GLI3: variants seen among roughly 807,000 people sequenced by gnomAD.
GLI3 encodes the protein transcription activator GLI3.
In GLI3, 20 loss-of-function variants were observed where a neutral mutation model predicts 100.8. The ratio of observed to expected loss-of-function variants is 0.20; its 90% confidence interval spans 0.14 to 0.29. The LOEUF is 0.29. Ranked by LOEUF, GLI3 falls within the 10% of genes least tolerant of loss-of-function variation. The pLI, the probability that GLI3 is intolerant of heterozygous loss-of-function variation, is 1.00. For missense variants in GLI3, 2,040 were observed against 2,128.5 expected, an observed-to-expected ratio of 0.96 and a Z score of 0.82; for synonymous variants, 938 against 860.5, an observed-to-expected ratio of 1.09 and a Z score of -1.58.
At chr7:41,984,134 C>G (rs1787749289) in intron 10 of GLI3, among the ~76,000 whole-genome samples, 1 of 152,164 alleles carries the variant, frequency 6.6e-6, no homozygotes. Flanking sequence ...ACCAAGGAGG[C>G]TTGGAGAGCT....
At chr7:42,196,940 C>T (rs745640520) in intron 2 of GLI3, among the ~76,000 whole-genome samples, 1 of 152,200 alleles carries the variant, frequency 6.6e-6, no homozygotes, top group Non-Finnish European at 1.5e-5. Context: ...GACAGGGAAT[C>T]GACAATGTCG....
chr7:42,117,160 T>C (rs1785879555), intron 3 of GLI3, among the ~76,000 whole-genome samples: 1 of 152,146 alleles, frequency 6.6e-6, no homozygotes, highest in Admixed American at 6.5e-5. Context: ...TCAAGGAATA[T>C]GCGATGTTGA....
Position 42,095,653 on chromosome 7 carries a change from T to C in GLI3, c.368-18796A>G, listed in dbSNP as rs191418441. 3.2e-3 allele frequency among the ~76,000 whole-genome samples: 483 copies of C among 152,158 alleles called. 1 individual carries two copies. Among genetic ancestry groups the C allele is most frequent in the South Asian group, 0.014 (69 of 4,796 alleles). ...CCCAGGTGAGTGTTAATGATGGTCCTGGGACCAAGGCAGCAACAGAGAAGG... is the reference window on the plus strand; with the variant it reads ...CCCAGGTGAGTGTTAATGATGGTCCCGGGACCAAGGCAGCAACAGAGAAGG... On this transcript the variant is annotated intron_variant, in intron 3 of 14. Coordinates refer to ENST00000395925, the MANE Select transcript of GLI3 (RefSeq NM_000168.6).
intron 3 of GLI3, among the ~76,000 whole-genome samples, 190 bp downstream of exon 3, chr7:42,148,036 T>C (rs1786759547): frequency 6.6e-6 from 1 of 152,002 alleles, no homozygotes; most frequent in Admixed American, 6.6e-5. Context: ...AACATCTCTC[T>C]CTAAAAAGAA....
At chr7:42,235,190 T>C (rs776771370) in intron 1 of GLI3, among the ~76,000 whole-genome samples, 6 of 152,218 alleles carry the variant, frequency 3.9e-5, no homozygotes, top group Non-Finnish European at 7.3e-5. Flanking sequence ...CAGACTACTA[T>C]TAATTTTTAA....
At position 42,042,203 on chromosome 7, in the gene GLI3, C is replaced by T. The variant is rs1212484577; in HGVS notation, c.827-1964G>A. Among the ~76,000 whole-genome samples, 6 of 151,704 alleles carry T rather than the reference C, an allele frequency of 4.0e-5. No individual in the cohort carries two copies. The South Asian group carries it at 6.3e-4, about 16-fold the overall frequency. ...AATTTTTTTTTATTTTTAGCAGAGA[C>T]GGGGGTTTCACTGTGTTGGCCAGGA... On this transcript the variant is annotated intron_variant, in intron 6 of 14. Transcript: ENST00000395925.
rs1029948572 is a variant in GLI3 at position 42,084,702 on chromosome 7, C to T, written c.368-7845G>A. 6.6e-5 allele frequency among the ~76,000 whole-genome samples: 10 copies of T among 152,224 alleles called. No individual in the cohort carries two copies. The South Asian group carries it at 1.9e-3, about 28-fold the overall frequency. ...CTCTCTCAGGGAAATCACATGTAAA[C>T]ATATAAGGAATCACTTAAAAGTGAC... On this transcript the variant is annotated intron_variant, in intron 3 of 14. Coordinates refer to ENST00000395925, the MANE Select transcript of GLI3 (RefSeq NM_000168.6).
chr7:41,972,244 A>G lies in GLI3; in HGVS notation c.2103+93T>C. The G allele has an allele frequency of 8.7e-7, 1 of 1,150,872 alleles. No individual in the cohort carries two copies. The allele number at this position is 1,150,872 out of a possible 1,614,324, so 71.3% of individuals were successfully genotyped here. A position where few individuals can be genotyped will look rare whatever the true frequency, so the allele number is the denominator to read the frequency against. ...CCTCAGATCAGAGACAGCCTGACAC[A>G]GTGAGGACCGGGAAGTCCTGTCCCT... On this transcript the variant is annotated intron_variant, in intron 13 of 14. Coordinates refer to ENST00000395925, the MANE Select transcript of GLI3 (RefSeq NM_000168.6). This position sits in a 1 kb window ranked among gnomAD's most constrained non-coding sequence, Gnocchi z 4.4.
chr7:42,173,360 T>C (rs1787415411), intron 2 of GLI3, among the ~76,000 whole-genome samples: 1 of 152,178 alleles, frequency 6.6e-6, no homozygotes, highest in South Asian at 2.1e-4. Context: ...CTGGCCCTAT[T>C]TTTTTAAAAT....
intron 4 of GLI3, among the ~76,000 whole-genome samples, chr7:42,050,914 A>C (rs951330934): frequency 8.5e-5 from 13 of 152,188 alleles, no homozygotes; most frequent in African/African-American, 3.1e-4. Flanking sequence ...ATCTAGAAAA[A>C]CACAAAAATT....
intron 1 of GLI3, among the ~76,000 whole-genome samples, chr7:42,253,389 A>C (rs1789053460): frequency 6.6e-6 from 1 of 152,164 alleles, no homozygotes; most frequent in Non-Finnish European, 1.5e-5. Flanking sequence ...GGGGCTCCCC[A>C]TTCCTCCTCC....
At chr7:42,230,408 C>A (rs1417276394) in intron 1 of GLI3, among the ~76,000 whole-genome samples, 2 of 152,114 alleles carry the variant, frequency 1.3e-5, no homozygotes, top group African/African-American at 4.8e-5. Flanking sequence ...CCAAGGGGAA[C>A]TAAATTACTC....
chr7:41,964,954 C>T lies in GLI3; in HGVS notation c.4119G>A (p.Gln1373=). 1 of 1,613,716 alleles carries T rather than the reference C, an allele frequency of 6.2e-7. No homozygotes were observed. Among genetic ancestry groups the T allele is most frequent in the Non-Finnish European group, 8.5e-7 (1 of 1,180,036 alleles). The change falls in exon 15 of 15, where the codon CAG becomes CAA. Residue 1373 remains glutamine (Q), a synonymous_variant. Coordinates refer to ENST00000395925, the MANE Select transcript of GLI3 (RefSeq NM_000168.6). The part of the protein sequence containing the change: ...CLPGAHGMGS[Q]PSSLAVVRGY... The stretch of plus-strand genomic sequence containing the variant: ...CCCTGACAACTGCCAAGCTTGACGG[C>T]TGGCTGCCCATGCCGTGAGCCCCTG...
At chr7:41,977,981 T>C in intron 11 of GLI3, 1 of 528,878 alleles carries the variant, frequency 1.9e-6, no homozygotes, top group Non-Finnish European at 3.4e-6. Flanking sequence ...GACAATGGGT[T>C]TCATTATCTG....
At chr7:42,035,684 A>G (rs1257622305) in intron 7 of GLI3, among the ~76,000 whole-genome samples, 2 of 152,232 alleles carry the variant, frequency 1.3e-5, no homozygotes, top group Non-Finnish European at 2.9e-5. Flanking sequence ...CCGGAAGACT[A>G]CAGAAGAAGG....
At chr7:42,059,791 T>C (rs994288633) in intron 4 of GLI3, among the ~76,000 whole-genome samples, 5 of 152,252 alleles carry the variant, frequency 3.3e-5, no homozygotes, top group African/African-American at 1.2e-4. Flanking sequence ...TCCTTTCCTC[T>C]CCTCTTCCCC....
rs568199899 is a variant in GLI3 at position 42,137,446 on chromosome 7, G to A, written c.367+10780C>T. Among the ~76,000 whole-genome samples the A allele has an allele frequency of 1.3e-4, 19 of 151,928 alleles. No homozygotes were observed. In the South Asian group the frequency reaches 2.7e-3, roughly 22 times the overall value. On this transcript the variant is annotated intron_variant, in intron 3 of 14. Transcript: ENST00000395925. ...CAATGACCACATTGGCATGCTCTCC[G>A]CTCCTGGTACTTTTTCACGGCAAAC...
chr7:42,118,904 C>T (rs552914900), intron 3 of GLI3, among the ~76,000 whole-genome samples: 2 of 152,328 alleles, frequency 1.3e-5, no homozygotes, highest in African/African-American at 4.8e-5. Flanking sequence ...CTCTTTCAAA[C>T]TCAGCATCGT....
At chr7:42,057,295 T>A (rs1380837158) in intron 4 of GLI3, among the ~76,000 whole-genome samples, 1 of 152,218 alleles carries the variant, frequency 6.6e-6, no homozygotes, top group Non-Finnish European at 1.5e-5. Flanking sequence ...AAATGAGTTA[T>A]CATTAAACAC....
Sources: allele counts gnomAD v4.1 joint callset (sites outside exome capture counted in the v4.1 genomes callset), GRCh38; gene constraint gnomAD v4.1.1; non-coding constraint Gnocchi (gnomAD v3.1); transcripts MANE v1.5; gene names NCBI Gene and HGNC (gene_info 2026-07-23, HGNC 2026-07-21).